Variants in SCIN observed in about 807,000 individuals in gnomAD.
The protein encoded by SCIN is adseverin.
Under a neutral mutation model 91.8 loss-of-function variants are expected in SCIN, and 91 were observed. The observed-to-expected ratio is 0.99, with a 90% confidence interval of 0.84 to 1.18. The LOEUF (loss-of-function observed/expected upper bound fraction) is 1.18. SCIN is among the 50% of genes most tolerant of loss of function. SCIN has a pLI of 0.00. For missense variants in SCIN, 1,087 were observed against 863.9 expected (o/e 1.26, Z -3.24); for synonymous variants, 367 against 312.6 (o/e 1.17, Z -1.84).
intron 9 of SCIN, among the ~76,000 whole-genome samples, chr7:12,633,965 G>GTTT (rs10707073): frequency 1.4e-5 from 2 of 143,214 alleles, no homozygotes; most frequent in African/African-American, 2.6e-5. Flanking sequence ...TTGTGTGCAT[G>GTTT]TTTTTTTTTT....
chr7:12,605,696 A>G (rs1783068469), intron 4 of SCIN, among the ~76,000 whole-genome samples: 1 of 152,154 alleles, frequency 6.6e-6, no homozygotes, highest in African/African-American at 2.4e-5. Context: ...CAGACTTTGG[A>G]GTATTTCTAA....
intron 14 of SCIN, among the ~76,000 whole-genome samples, chr7:12,650,752 A>G (rs1784062962): frequency 6.6e-6 from 1 of 152,218 alleles, no homozygotes; most frequent in African/African-American, 2.4e-5. Flanking sequence ...CAATTTTTTA[A>G]AAAACACATT....
At chr7:12,642,087 A>T (rs971998252) in intron 11 of SCIN, among the ~76,000 whole-genome samples, 3 of 151,530 alleles carry the variant, frequency 2.0e-5, no homozygotes, top group African/African-American at 4.8e-5. Flanking sequence ...TATATATACT[A>T]TTATCCATAA....
chr7:12,581,944 G>A (rs971736231), intron 3 of SCIN, among the ~76,000 whole-genome samples: 1 of 152,178 alleles, frequency 6.6e-6, no homozygotes, highest in Non-Finnish European at 1.5e-5. Context: ...CCACTGAAAA[G>A]CCATGTGCAA....
At chr7:12,580,996 C>A in intron 2 of SCIN, 64 bp from the exon 3 acceptor site, 1 of 1,501,100 alleles carries the variant, frequency 6.7e-7, no homozygotes, top group South Asian at 1.3e-5. Context: ...TTTGCTTTGT[C>A]TAGGCAGACA....
chr7:12,626,853 G>T, intron 8 of SCIN, 54 bp downstream of exon 8: 1 of 1,433,574 alleles, frequency 7.0e-7, no homozygotes, highest in Non-Finnish European at 9.6e-7. Context: ...GTATGTAGGG[G>T]GAGGGTGGGG....
At chr7:12,609,256 G>C (rs148255067) in intron 4 of SCIN, among the ~76,000 whole-genome samples, 5 of 152,120 alleles carry the variant, frequency 3.3e-5, no homozygotes, top group Admixed American at 3.3e-4. Context: ...TGCCTAAATA[G>C]GAAGACAATC....
At chr7:12,597,707 G>A (rs1782872625) in intron 3 of SCIN, among the ~76,000 whole-genome samples, 1 of 152,174 alleles carries the variant, frequency 6.6e-6, no homozygotes, top group African/African-American at 2.4e-5. Flanking sequence ...AATATAACTT[G>A]CTTGCTCTTA....
chr7:12,583,311 C>A (rs908172842), intron 3 of SCIN, among the ~76,000 whole-genome samples: 4 of 152,088 alleles, frequency 2.6e-5, no homozygotes, highest in African/African-American at 9.7e-5. Flanking sequence ...TTATCCTTAG[C>A]TGACTATGAT....
Position 12,571,001 on chromosome 7 carries a change from C to T in SCIN, c.199+16C>T, listed in dbSNP as rs186930149. On this transcript the variant is annotated intron_variant, in intron 1 of 15. Transcript: ENST00000297029. Reference sequence around the variant, plus strand: ...TTCTGGCTCGGTAAGGGACGGCGGGCGGCGGGACCCCGACGCACCAAGGCC... The same window carrying T: ...TTCTGGCTCGGTAAGGGACGGCGGGTGGCGGGACCCCGACGCACCAAGGCC... The T allele has an allele frequency of 3.1e-3, 4,732 of 1,542,624 alleles. 8 individuals carry two copies. Among genetic ancestry groups the T allele is most frequent in the Non-Finnish European group, 3.7e-3 (4,190 of 1,141,752 alleles).
At chr7:12,609,864 G>T (rs1783156283) in intron 4 of SCIN, among the ~76,000 whole-genome samples, 1 of 58,552 alleles carries the variant, frequency 1.7e-5, no homozygotes, top group Non-Finnish European at 3.3e-5. Flanking sequence ...GATTGTTTCA[G>T]ATTTTTGACC....
chr7:12,622,157 T>G (rs1423988110), intron 4 of SCIN, among the ~76,000 whole-genome samples: 2 of 152,026 alleles, frequency 1.3e-5, no homozygotes, highest in Non-Finnish European at 2.9e-5. Context: ...CAAATGTATT[T>G]TCTACCAAAC....
intron 13 of SCIN, among the ~76,000 whole-genome samples, chr7:12,644,942 G>A (rs1401540820): frequency 6.7e-6 from 1 of 149,970 alleles, no homozygotes; most frequent in Non-Finnish European, 1.5e-5. Flanking sequence ...TTGAACCCAG[G>A]AGGCGGAGGT....
chr7:12,659,309 T>A lies in SCIN; in HGVS notation c.*6594T>A, dbSNP rs1784221976. 6.6e-6 allele frequency: 1 copy of A among 152,228 alleles called. No individual in the cohort carries two copies. Among genetic ancestry groups the A allele is most frequent in the Non-Finnish European group, 1.5e-5 (1 of 68,046 alleles). 9.4% of individuals were successfully genotyped at this position (152,228 alleles called of 1,614,324 possible). On this transcript the variant is annotated 3_prime_UTR_variant, in exon 16 of 16. Transcript: ENST00000297029. ...ACCACCCATTTGTCTATGGACTTAA[T>A]CTATGTCTCTATGAGCTGGTAAACA...
At chr7:12,647,916 G>T (rs1314109012) in intron 13 of SCIN, among the ~76,000 whole-genome samples, 2 of 152,134 alleles carry the variant, frequency 1.3e-5, no homozygotes, top group African/African-American at 2.4e-5. Context: ...AAAGGCCCTT[G>T]CTGAGTCACC....
chr7:12,619,432 G>A (rs1234719200), intron 4 of SCIN, among the ~76,000 whole-genome samples: 1 of 152,094 alleles, frequency 6.6e-6, no homozygotes, highest in Non-Finnish European at 1.5e-5. Flanking sequence ...AGGATTAAGA[G>A]AGTAAAAGAG....
intron 14 of SCIN, 111 bp downstream of exon 14, chr7:12,649,655 TG>T: frequency 7.0e-6 from 4 of 573,498 alleles, no homozygotes; most frequent in Non-Finnish European, 1.2e-5. Flanking sequence ...AGATTTAGGC[TG>T]TATTTAAAAA....
In SCIN at chr7:12,655,726, T is replaced by G. The variant is rs2115309577; in HGVS notation, c.*3011T>G. ...GTAAACATACACAAAAAATATTATATATTTGCCAAACGTATGTACTAATCT... is the reference window on the plus strand; with the variant it reads ...GTAAACATACACAAAAAATATTATAGATTTGCCAAACGTATGTACTAATCT... On this transcript the variant is annotated 3_prime_UTR_variant, in exon 16 of 16. Coordinates refer to ENST00000297029, the MANE Select transcript of SCIN (RefSeq NM_001112706.3). 1 of 152,350 alleles carries G rather than the reference T, an allele frequency of 6.6e-6. No homozygotes were observed. The highest frequency in any genetic ancestry group is 2.1e-4 in the South Asian group (1 of 4,830). The allele number at this position is 152,350 out of a possible 1,614,324, so 9.4% of individuals were successfully genotyped here. A position where few individuals can be genotyped will look rare whatever the true frequency, so the allele number is the denominator to read the frequency against.
At position 12,588,044 on chromosome 7, in the gene SCIN, A is replaced by C. The variant is rs567949663; in HGVS notation, c.516+6823A>C. On this transcript the variant is annotated intron_variant, in intron 3 of 15. Transcript: ENST00000297029. ...TGGCTTTCAGACTTTTGTCTCTGCTATTACTTAAAAATGCTTATTTTAAAA... is the reference window on the plus strand; with the variant it reads ...TGGCTTTCAGACTTTTGTCTCTGCTCTTACTTAAAAATGCTTATTTTAAAA... Among the ~76,000 whole-genome samples the C allele has an allele frequency of 3.3e-5, 5 of 152,340 alleles. No individual in the cohort carries two copies. In the South Asian group the frequency reaches 1.0e-3, roughly 32 times the overall value.
Sources: allele counts gnomAD v4.1 joint callset (sites outside exome capture counted in the v4.1 genomes callset), GRCh38; gene constraint gnomAD v4.1.1; transcripts MANE v1.5; gene names NCBI Gene and HGNC (gene_info 2026-07-23, HGNC 2026-07-21).